Variants in MYO5C observed in about 807,000 individuals in gnomAD.
The protein encoded by MYO5C is myosin VC.
Under a neutral mutation model 235.7 loss-of-function variants are expected in MYO5C, and 194 were observed. The ratio of observed to expected loss-of-function variants is 0.82; its 90% CI spans 0.73 to 0.93. The LOEUF (loss-of-function observed/expected upper bound fraction) is 0.93. Ranked by LOEUF, MYO5C falls within the 40% of genes least tolerant of loss-of-function variation. The pLI is 0.00. For missense variants in MYO5C, 2,038 were observed against 2,127.2 expected, an observed-to-expected ratio of 0.96 and a Z score of 0.82; for synonymous variants, 707 against 754.8, an observed-to-expected ratio of 0.94 and a Z score of 1.04.
chr15:52,273,043 G>A (rs1393784357), intron 5 of MYO5C, among the ~76,000 whole-genome samples: 1 of 152,228 alleles, frequency 6.6e-6, no homozygotes, highest in Non-Finnish European at 1.5e-5. Context: ...CACTGGCTAG[G>A]TGCAGCGGCT....
At position 52,205,152 on chromosome 15, in the gene MYO5C, G is replaced by A. The variant is rs2035280761; in HGVS notation, c.4538-5C>T. On this transcript the variant is annotated splice_region_variant and splice_polypyrimidine_tract_variant and intron_variant, in intron 37 of 40. Coordinates refer to ENST00000261839, the MANE Select transcript of MYO5C (RefSeq NM_018728.4). ...CATACTCCAGCATTCCCGGAACTGC[G>A]GAGAGACAGGGAGGCTGTGCTGACA... The A allele has an allele frequency of 6.2e-7, 1 of 1,611,736 alleles. No homozygotes were observed. Among genetic ancestry groups the A allele is most frequent in the South Asian group, 1.1e-5 (1 of 91,010 alleles).
intron 38 of MYO5C, among the ~76,000 whole-genome samples, chr15:52,203,547 T>C (rs1323983031): frequency 6.6e-6 from 1 of 152,054 alleles, no homozygotes; most frequent in African/African-American, 2.4e-5. Context: ...GGTTTTGCCA[T>C]GTTGGCCAGG....
chr15:52,286,937 T>TAAAAAAA (rs1056891976), intron 1 of MYO5C, among the ~76,000 whole-genome samples: 2 of 50,186 alleles, frequency 4.0e-5, no homozygotes, highest in Admixed American at 1.9e-4. Flanking sequence ...GAATGATCAA[T>TAAAAAAA]AAAAAAAAAA....
In MYO5C at chr15:52,218,590, G is replaced by C. The variant is rs774202873; in HGVS notation, c.3883C>G (p.Gln1295Glu). Residue 1295 changes from glutamine (Q) to glutamate (E), a missense_variant, in exon 32 of 41, where the codon CAA becomes GAA. By Grantham distance (29) the Gln-to-Glu change is conservative (BLOSUM62 2). Transcript: ENST00000261839. ...MQEASDHLKK[Q>E]FETESEVKCN... ...TTGACTTCACTTTCAGTTTCAAATT[G>C]TTTCTTCAAGTGGTCACTGGCCTCC... 6.2e-7 allele frequency: 1 copy of C among 1,614,170 alleles called. No individual in the cohort carries two copies. Among genetic ancestry groups the C allele is most frequent in the East Asian group, 2.2e-5 (1 of 44,892 alleles).
intron 1 of MYO5C, among the ~76,000 whole-genome samples, chr15:52,286,666 T>C (rs1435090474): frequency 6.6e-6 from 1 of 152,138 alleles, no homozygotes; most frequent in Non-Finnish European, 1.5e-5. Flanking sequence ...CTCTGAAACA[T>C]GTGCTGTGTC....
intron 21 of MYO5C, among the ~76,000 whole-genome samples, chr15:52,238,912 A>T (rs1012133606): frequency 2.6e-5 from 4 of 151,364 alleles, no homozygotes; most frequent in African/African-American, 9.7e-5. Flanking sequence ...AAGTGCTGGG[A>T]TTACAGGCGT....
chr15:52,243,365 A>C (rs1429201436), intron 19 of MYO5C: 2 of 152,638 alleles, frequency 1.3e-5, no homozygotes, highest in Non-Finnish European at 2.9e-5. Flanking sequence ...CCAGCAGGGC[A>C]GGATGATCAG....
intron 1 of MYO5C, among the ~76,000 whole-genome samples, chr15:52,295,238 C>T (rs746971517): frequency 2.0e-5 from 3 of 152,146 alleles, no homozygotes; most frequent in Non-Finnish European, 4.4e-5. Context: ...GCGCTCCAGT[C>T]CCGGGAGATG....
At chr15:52,291,887 T>C (rs776121306) in intron 1 of MYO5C, among the ~76,000 whole-genome samples, 53 of 151,782 alleles carry the variant, frequency 3.5e-4, no homozygotes, top group Middle Eastern at 3.4e-3. Context: ...TACAGGCGCC[T>C]GCCACCACGC....
intron 22 of MYO5C, chr15:52,237,223 C>A: frequency 3.1e-6 from 1 of 319,982 alleles, no homozygotes; most frequent in Non-Finnish European, 5.7e-6. Flanking sequence ...GCTCTTTGGG[C>A]CTGTCATCAT....
At chr15:52,288,576 A>T (rs988463814) in intron 1 of MYO5C, among the ~76,000 whole-genome samples, 1 of 152,180 alleles carries the variant, frequency 6.6e-6, no homozygotes, top group Non-Finnish European at 1.5e-5. Flanking sequence ...CCACCCATTC[A>T]TTCCTGTCCC....
chr15:52,239,742 C>T lies in MYO5C; in HGVS notation c.2694G>A (p.Leu898=), dbSNP rs377081494. The change falls in exon 21 of 41, where the codon TTG becomes TTA. Residue 898 remains leucine (L), a synonymous_variant. Coordinates refer to ENST00000261839, the MANE Select transcript of MYO5C (RefSeq NM_018728.4). The part of the protein sequence containing the change: ...TYRVQRLQKK[L]EDQNKENHGL... The stretch of plus-strand genomic sequence containing the variant: ...CACTATGAGCACCTACCTGATCTTC[C>T]AACTTTTTCTGCAAACGCTGGACCC... 15 of 1,599,784 alleles carry T rather than the reference C, an allele frequency of 9.4e-6. No homozygotes were observed. The highest frequency in any genetic ancestry group is 1.3e-5 in the African/African-American group (1 of 74,382).
intron 15 of MYO5C, 118 bp downstream of exon 15, chr15:52,247,340 G>T: frequency 1.7e-6 from 2 of 1,194,618 alleles, no homozygotes; most frequent in Non-Finnish European, 2.4e-6. Flanking sequence ...ATGTTAGATT[G>T]GAAGAGCCCC....
At chr15:52,238,412 C>T (rs919249665) in intron 21 of MYO5C, among the ~76,000 whole-genome samples, 9 of 152,186 alleles carry the variant, frequency 5.9e-5, no homozygotes, top group Admixed American at 5.9e-4. Flanking sequence ...TACACAACAG[C>T]ACAATGAGGG....
At chr15:52,248,471 A>G (rs2060715052) in intron 14 of MYO5C, among the ~76,000 whole-genome samples, 2 of 152,112 alleles carry the variant, frequency 1.3e-5, no homozygotes, top group Admixed American at 6.6e-5. Flanking sequence ...CAATGGTTCT[A>G]TTAGCTGTCC....
At chr15:52,268,005 A>C (rs1445491030) in intron 8 of MYO5C, among the ~76,000 whole-genome samples, 1 of 152,226 alleles carries the variant, frequency 6.6e-6, no homozygotes, top group Non-Finnish European at 1.5e-5. Flanking sequence ...CAGTGCCGAA[A>C]GTGTTTATCT....
At chr15:52,213,439 G>T in intron 33 of MYO5C, 153 bp from the exon 34 acceptor site, 1 of 585,506 alleles carries the variant, frequency 1.7e-6, no homozygotes, top group Non-Finnish European at 3.1e-6. Context: ...GTATCCTGAA[G>T]AATTTCTCCA....
At chr15:52,205,487 A>C (rs901531420) in intron 37 of MYO5C, 4 of 333,774 alleles carry the variant, frequency 1.2e-5, no homozygotes, top group Non-Finnish European at 2.2e-5. Context: ...GAAAGTATAC[A>C]AGAATTCGAA....
At position 52,223,517 on chromosome 15, in the gene MYO5C, G is replaced by A. The variant is rs139103878; in HGVS notation, c.3627+27C>T. Reference sequence around the variant, plus strand: ...AGAACAACTCTAGTATGATGGCCACGACTGGGGCCCCTGGCTGAGACCATA... The same window carrying A: ...AGAACAACTCTAGTATGATGGCCACAACTGGGGCCCCTGGCTGAGACCATA... On this transcript the variant is annotated intron_variant, in intron 29 of 40. Coordinates refer to ENST00000261839, the MANE Select transcript of MYO5C (RefSeq NM_018728.4). 6.7e-5 allele frequency: 108 copies of A among 1,601,162 alleles called. No homozygotes were observed. In the African/African-American group the frequency reaches 7.4e-4, roughly 11 times the overall value.
Sources: gnomAD v4.1 joint callset for allele counts (sites outside exome capture counted in the v4.1 genomes callset) on GRCh38, gnomAD v4.1.1 for gene constraint, MANE v1.5 for transcripts, NCBI Gene and HGNC (gene_info 2026-07-23, HGNC 2026-07-21) for gene names.